SLC39A11: variants seen among roughly 807,000 people sequenced by gnomAD.
SLC39A11 encodes zinc transporter ZIP11.
In SLC39A11, 33 loss-of-function variants were observed where a neutral mutation model predicts 36.1. The observed-to-expected ratio is 0.91, with a 90% CI of 0.69 to 1.22. SLC39A11 has a LOEUF of 1.22. Among genes scored for constraint, SLC39A11 ranks in the 50% most tolerant of loss-of-function variants. The pLI, the probability that SLC39A11 is intolerant of heterozygous loss-of-function variation, is 0.00. For missense variants in SLC39A11, 432 were observed against 430.3 expected, an observed-to-expected ratio of 1.00 and a Z score of -0.03; for synonymous variants, 166 against 170.3, an observed-to-expected ratio of 0.97 and a Z score of 0.20.
rs1324930918 is a variant in SLC39A11, at chr17:72,646,100, A to G, written c.*1484T>C. The G allele has an allele frequency of 6.6e-6, 1 of 152,632 alleles. No individual in the cohort carries two copies. The highest frequency in any genetic ancestry group is 1.5e-5 in the Non-Finnish European group (1 of 68,036). 9.5% of individuals were successfully genotyped at this position (152,632 alleles called of 1,614,324 possible). On this transcript the variant is annotated 3_prime_UTR_variant, in exon 10 of 10. Coordinates refer to ENST00000255559, the MANE Select transcript of SLC39A11 (RefSeq NM_139177.4). Reference sequence around the variant, plus strand: ...CACACCAGTTAATCTCAACCAATCAAACCTCTGAATGTGTCTTCAATTTTG... The same window carrying G: ...CACACCAGTTAATCTCAACCAATCAGACCTCTGAATGTGTCTTCAATTTTG...
At chr17:72,673,163 AATGGC>A (rs1281235189) in intron 7 of SLC39A11, among the ~76,000 whole-genome samples, 3 of 151,994 alleles carry the variant, frequency 2.0e-5, no homozygotes, top group Non-Finnish European at 4.4e-5. Flanking sequence ...GCTGGAGAGC[AATGGC>A]ATGATCTCAG....
At chr17:72,816,799 G>C (rs2077597791) in intron 6 of SLC39A11, among the ~76,000 whole-genome samples, 1 of 152,172 alleles carries the variant, frequency 6.6e-6, no homozygotes, top group Non-Finnish European at 1.5e-5. Context: ...CCTGGTATTG[G>C]AGATTGGATT....
At chr17:72,771,442 G>A (rs1229317108) in intron 6 of SLC39A11, among the ~76,000 whole-genome samples, 3 of 152,124 alleles carry the variant, frequency 2.0e-5, no homozygotes, top group East Asian at 1.9e-4. Flanking sequence ...GAGTCACTTC[G>A]TGCCTCGTGT....
At chr17:73,048,543 G>A (rs111326388) in intron 3 of SLC39A11, among the ~76,000 whole-genome samples, 2 of 152,154 alleles carry the variant, frequency 1.3e-5, no homozygotes, top group African/African-American at 4.8e-5. Flanking sequence ...TTTCATTTGG[G>A]TGTATACCCA....
intron 3 of SLC39A11, among the ~76,000 whole-genome samples, chr17:73,036,424 T>TTTTTTTGTTTTG (rs1341660861): frequency 2.0e-4 from 29 of 145,970 alleles, no homozygotes; most frequent in Non-Finnish European, 9.0e-5. Context: ...AGGGCCATCG[T>TTTTTTTGTTTTG]TTTTTTGTTT....
intron 3 of SLC39A11, among the ~76,000 whole-genome samples, chr17:73,050,436 T>G (rs945882714): frequency 2.0e-5 from 3 of 147,366 alleles, no homozygotes; most frequent in African/African-American, 5.0e-5. Flanking sequence ...TAGGATCTTA[T>G]AGGAGCAGGG....
intron 4 of SLC39A11, among the ~76,000 whole-genome samples, chr17:72,972,083 G>C (rs2087498136): frequency 6.6e-6 from 1 of 152,244 alleles, no homozygotes. Context: ...GGAAGGAACA[G>C]AGAAGGAGAA....
intron 5 of SLC39A11, among the ~76,000 whole-genome samples, chr17:72,894,016 T>C (rs929703624): frequency 2.0e-5 from 3 of 152,124 alleles, no homozygotes; most frequent in Non-Finnish European, 4.4e-5. Flanking sequence ...GTGATCAGTA[T>C]GTAAACTGAT....
intron 5 of SLC39A11, among the ~76,000 whole-genome samples, chr17:72,918,021 T>C (rs927158578): frequency 4.6e-5 from 7 of 152,176 alleles, no homozygotes; most frequent in African/African-American, 1.7e-4. Context: ...AAGACCAGGG[T>C]GCAACCTAAC....
intron 4 of SLC39A11, among the ~76,000 whole-genome samples, chr17:72,996,684 A>G (rs1441736248): frequency 2.6e-5 from 4 of 152,180 alleles, no homozygotes; most frequent in Non-Finnish European, 5.9e-5. Flanking sequence ...ACCCTACTCT[A>G]GTACGACCTC....
chr17:73,070,914 G>A (rs1027984142), intron 3 of SLC39A11, among the ~76,000 whole-genome samples: 1 of 152,166 alleles, frequency 6.6e-6, no homozygotes, highest in African/African-American at 2.4e-5. Flanking sequence ...AAATTGCCCA[G>A]TCTCCCGTAT....
At chr17:72,682,873 ATCT>A in intron 7 of SLC39A11, among the ~76,000 whole-genome samples, 1 of 152,250 alleles carries the variant, frequency 6.6e-6, no homozygotes, top group East Asian at 1.9e-4. Flanking sequence ...AAAAGTTCAC[ATCT>A]TCTCCCATCT....
intron 4 of SLC39A11, among the ~76,000 whole-genome samples, chr17:73,027,724 C>T (rs2058605650): frequency 6.6e-6 from 1 of 152,210 alleles, no homozygotes; most frequent in South Asian, 2.1e-4. Flanking sequence ...GAGTGTGATG[C>T]CCTTCACGTC....
intron 4 of SLC39A11, among the ~76,000 whole-genome samples, chr17:73,021,182 AGAG>A (rs955406407): frequency 6.6e-6 from 1 of 152,134 alleles, no homozygotes; most frequent in Non-Finnish European, 1.5e-5. Flanking sequence ...GATCAATCCC[AGAG>A]GAGATGGACC....
At chr17:72,907,316 C>T (rs1331199825) in intron 5 of SLC39A11, among the ~76,000 whole-genome samples, 1 of 152,124 alleles carries the variant, frequency 6.6e-6, no homozygotes, top group Non-Finnish European at 1.5e-5. Flanking sequence ...ATGATGAAAC[C>T]CTGTCTCTAC....
chr17:73,051,821 G>A (rs2059513591), intron 3 of SLC39A11, among the ~76,000 whole-genome samples: 1 of 146,330 alleles, frequency 6.8e-6, no homozygotes, highest in Non-Finnish European at 1.5e-5. Flanking sequence ...TCTCGCCACT[G>A]TACTGCAGCC....
At chr17:72,753,889 C>CAAAAAA (rs35076559) in intron 6 of SLC39A11, among the ~76,000 whole-genome samples, 11 of 51,918 alleles carry the variant, frequency 2.1e-4, no homozygotes, top group African/African-American at 4.0e-4. Flanking sequence ...AGTCATTATA[C>CAAAAAA]AAAAAAAAAA....
chr17:72,772,213 G>A (rs2075972593), intron 6 of SLC39A11, among the ~76,000 whole-genome samples: 1 of 152,146 alleles, frequency 6.6e-6, no homozygotes, highest in Non-Finnish European at 1.5e-5. Context: ...GCAGTCTTTG[G>A]GGTTCCCATC....
At position 72,649,268 on chromosome 17, in the gene SLC39A11, C is replaced by T; in HGVS notation, c.672G>A (p.Arg224=). 1 of 1,613,774 alleles carries T rather than the reference C, an allele frequency of 6.2e-7. No homozygotes were observed. Among genetic ancestry groups the T allele is most frequent in the South Asian group, 1.1e-5 (1 of 90,988 alleles). ...GGATCCCGATTCCAATGGCCAAATTCCTGAAAAACCAAGAAAGCACATGAA... is the reference window on the plus strand; with the variant it reads ...GGATCCCGATTCCAATGGCCAAATTTCTGAAAAACCAAGAAAGCACATGAA... The part of the protein sequence containing the change: ...KTASATFESA[R]NLAIGIGIQN... Residue 224 remains arginine (R), a splice_region_variant and synonymous_variant, in exon 8 of 10, where the codon AGG becomes AGA. Coordinates refer to ENST00000255559, the MANE Select transcript of SLC39A11 (RefSeq NM_139177.4).
Sources: allele counts gnomAD v4.1 joint callset (sites outside exome capture counted in the v4.1 genomes callset), GRCh38; gene constraint gnomAD v4.1.1; transcripts MANE v1.5; gene names NCBI Gene and HGNC (gene_info 2026-07-23, HGNC 2026-07-21).